The following SHOC2 variants were observed in gnomAD, a reference collection of about 807,000 sequenced individuals.
SHOC2 encodes the protein leucine-rich repeat protein SHOC-2.
A neutral mutation model predicts 50.2 loss-of-function variants in SHOC2; 4 were observed. The ratio of observed to expected loss-of-function variants is 0.08; its 90% CI spans 0.04 to 0.18. The LOEUF is 0.18. Ranked by LOEUF, SHOC2 falls within the 10% of genes least tolerant of loss-of-function variation. The pLI is 1.00. For synonymous variants in SHOC2, 218 were observed against 244.5 expected (o/e 0.89, Z 1.01); for missense variants, 388 against 669.6 (o/e 0.58, Z 4.64).
rs990243543 is a variant in SHOC2, at chr10:110,936,479, A to C, written c.-235+16822A>C. The C allele has an allele frequency of 7.1e-6, 4 of 567,338 alleles. No homozygotes were observed. In the Admixed American group the frequency reaches 1.3e-4, roughly 19 times the overall value. The allele number at this position is 567,338 out of a possible 1,614,324, so 35.1% of individuals were successfully genotyped here. On this transcript the variant is annotated intron_variant, in intron 1 of 8. Coordinates refer to ENST00000369452, the MANE Select transcript of SHOC2 (RefSeq NM_007373.4). Reference sequence around the variant, plus strand: ...AGTAATGTTTTTTGCGTAGATTCTCAAAGGATTCTCTTTTTAAATCTTTGA... The same window carrying C: ...AGTAATGTTTTTTGCGTAGATTCTCCAAGGATTCTCTTTTTAAATCTTTGA...
chr10:111,010,246 T>G (rs559966321), intron 8 of SHOC2, among the ~76,000 whole-genome samples: 1 of 152,352 alleles, frequency 6.6e-6, no homozygotes, highest in South Asian at 2.1e-4. Context: ...ACTTAACATT[T>G]TCCAGGTGTT....
chr10:110,944,850 C>T (rs1208250035), intron 1 of SHOC2, among the ~76,000 whole-genome samples: 1 of 152,200 alleles, frequency 6.6e-6, no homozygotes, highest in African/African-American at 2.4e-5. Flanking sequence ...AGTAAATCTC[C>T]TAGTCTTTGC....
chr10:110,929,573 A>G (rs1361013491), intron 1 of SHOC2, among the ~76,000 whole-genome samples: 1 of 152,250 alleles, frequency 6.6e-6, no homozygotes, highest in Non-Finnish European at 1.5e-5. Context: ...AAGGCTAGAA[A>G]GTCCGAGATT....
chr10:110,960,219 T>G lies in SHOC2; in HGVS notation c.-234-3906T>G, dbSNP rs374549046. On this transcript the variant is annotated intron_variant, in intron 1 of 8. Transcript: ENST00000369452. ...AAGTTTTATTGAAACACAGCCACTC[T>G]TACTCATTTGCATATTGTCTACTTT... Among the ~76,000 whole-genome samples, 487 of 152,388 alleles carry G rather than the reference T, an allele frequency of 3.2e-3. 26 individuals carry two copies. In the South Asian group the frequency reaches 0.093, roughly 29 times the overall value.
At chr10:111,001,214 A>G (rs1346353929) in intron 4 of SHOC2, among the ~76,000 whole-genome samples, 5 of 149,684 alleles carry the variant, frequency 3.3e-5, no homozygotes, top group African/African-American at 1.2e-4. Context: ...CTGGAGTGCA[A>G]TGGCGCGATC....
Position 110,964,834 on chromosome 10 carries a change from C to T in SHOC2, c.476C>T (p.Thr159Ile). The change falls in exon 2 of 9, where the codon ACC (threonine) becomes ATC (isoleucine). Residue 159 changes from threonine to isoleucine, a missense_variant. Physicochemically the swap from Thr to Ile is moderately conservative, Grantham distance 89 (BLOSUM62 -1). Around this residue, in one of 5 missense-constraint regions of SHOC2, gnomAD observed 88 missense variants for 147.2 expected, o/e 0.60. Transcript: ENST00000369452. The surrounding 1 kb of genome is among the most constrained non-coding windows in gnomAD (Gnocchi z 4.9). ...CTGGCTCTAAGTGAAAATTCACTTA[C>T]CAGTTTGCCTGACTCTCTTGATAAC... is the stretch of plus-strand genomic sequence containing the variant. ...MTLALSENSL[T>I]SLPDSLDNLK... 6.2e-7 allele frequency: 1 copy of T among 1,613,956 alleles called. No individual in the cohort carries two copies. The highest frequency in any genetic ancestry group is 8.5e-7 in the Non-Finnish European group (1 of 1,179,876).
At chr10:110,969,316 C>A (rs377529436) in intron 2 of SHOC2, among the ~76,000 whole-genome samples, 2 of 152,114 alleles carry the variant, frequency 1.3e-5, no homozygotes, top group African/African-American at 4.8e-5. Flanking sequence ...AGTCAAGAAC[C>A]CATGTTTTCA....
At chr10:110,980,044 T>C (rs948985475) in intron 2 of SHOC2, among the ~76,000 whole-genome samples, 1 of 152,184 alleles carries the variant, frequency 6.6e-6, no homozygotes, top group African/African-American at 2.4e-5. Flanking sequence ...CATCCAAGTG[T>C]GTGAGTTTGT....
intron 4 of SHOC2, among the ~76,000 whole-genome samples, chr10:111,002,074 A>G (rs938689088): frequency 6.6e-6 from 1 of 152,124 alleles, no homozygotes; most frequent in African/African-American, 2.4e-5. Flanking sequence ...GAAAAAATTT[A>G]AATGGATATA....
At chr10:110,923,083 T>C (rs1846686488) in intron 1 of SHOC2, among the ~76,000 whole-genome samples, 1 of 152,112 alleles carries the variant, frequency 6.6e-6, no homozygotes, top group Non-Finnish European at 1.5e-5. Flanking sequence ...TAATCCCCTA[T>C]TTTAACTGCT....
chr10:111,001,955 C>T (rs1848384317), intron 4 of SHOC2, among the ~76,000 whole-genome samples: 1 of 151,784 alleles, frequency 6.6e-6, no homozygotes, highest in South Asian at 2.1e-4. Context: ...AGGGGAATGG[C>T]TTGTGGCTTG....
intron 2 of SHOC2, among the ~76,000 whole-genome samples, chr10:110,968,688 A>T (rs1032809259): frequency 6.6e-6 from 1 of 152,054 alleles, no homozygotes; most frequent in Non-Finnish European, 1.5e-5. Flanking sequence ...CTCAAATCTC[A>T]ACTACTGGGA....
In SHOC2 at chr10:110,964,140, A is replaced by T. The variant is rs1173973060; in HGVS notation, c.-219A>T. The T allele has an allele frequency of 6.6e-6, 4 of 604,358 alleles. No individual in the cohort carries two copies. Among genetic ancestry groups the T allele is most frequent in the Non-Finnish European group, 1.1e-5 (4 of 353,370 alleles). 37.4% of individuals were successfully genotyped at this position (604,358 alleles called of 1,614,324 possible). A position where few individuals can be genotyped will look rare whatever the true frequency, so the allele number is the denominator to read the frequency against. On this transcript the variant is annotated 5_prime_UTR_variant, in exon 2 of 9. Coordinates refer to ENST00000369452, the MANE Select transcript of SHOC2 (RefSeq NM_007373.4). The surrounding 1 kb of genome is among the most constrained non-coding windows in gnomAD (Gnocchi z 4.9). ...TATATTTCAGGAACTCTAATGAATCATTGATTGACCAGCACTATTTTACCA... is the reference window on the plus strand; with the variant it reads ...TATATTTCAGGAACTCTAATGAATCTTTGATTGACCAGCACTATTTTACCA...
chr10:110,951,291 A>C (rs558183077), intron 1 of SHOC2, among the ~76,000 whole-genome samples: 1 of 152,342 alleles, frequency 6.6e-6, no homozygotes, highest in East Asian at 1.9e-4. Context: ...AACGTCATTA[A>C]TCATCAGGGA....
At chr10:110,969,644 TAA>T (rs1293755881) in intron 2 of SHOC2, among the ~76,000 whole-genome samples, 1 of 152,174 alleles carries the variant, frequency 6.6e-6, no homozygotes, top group East Asian at 1.9e-4. Flanking sequence ...TCTCTTTCTT[TAA>T]AGTTTCCCTT....
At chr10:110,921,486 T>C (rs148805366) in intron 1 of SHOC2, among the ~76,000 whole-genome samples, 2 of 152,314 alleles carry the variant, frequency 1.3e-5, no homozygotes, top group African/African-American at 4.8e-5. Flanking sequence ...TTTCAAATTA[T>C]GGACATGTCT....
At chr10:110,943,362 A>G (rs565596690) in intron 1 of SHOC2, among the ~76,000 whole-genome samples, 3 of 150,042 alleles carry the variant, frequency 2.0e-5, no homozygotes, top group South Asian at 2.1e-4. Flanking sequence ...GAACCCTTCT[A>G]GTGAGGTTTG....
intron 1 of SHOC2, among the ~76,000 whole-genome samples, chr10:110,958,334 C>A (rs927573692): frequency 6.6e-6 from 1 of 152,046 alleles, no homozygotes; most frequent in African/African-American, 2.4e-5. Flanking sequence ...CTGCCTCAGC[C>A]TCCTGAGTAG....
At chr10:110,996,485 G>A (rs549711862) in intron 3 of SHOC2, among the ~76,000 whole-genome samples, 5 of 151,604 alleles carry the variant, frequency 3.3e-5, no homozygotes, top group East Asian at 1.9e-4. Context: ...CCATGATTGC[G>A]CCACTGCATT....
Sources: allele counts gnomAD v4.1 joint callset (sites outside exome capture counted in the v4.1 genomes callset), GRCh38; gene constraint gnomAD v4.1.1; regional missense constraint gnomAD v4.1.1; non-coding constraint Gnocchi (gnomAD v3.1); transcripts MANE v1.5; gene names NCBI Gene and HGNC (gene_info 2026-07-23, HGNC 2026-07-21).